Variants in SCAI observed in about 807,000 individuals in gnomAD.
SCAI encodes the protein suppressor of cancer cell invasion.
A neutral mutation model predicts 92.2 loss-of-function variants in SCAI; 24 were observed. The ratio of observed to expected loss-of-function variants is 0.26; its 90% CI spans 0.19 to 0.37. SCAI has a LOEUF of 0.37. Ranked by LOEUF, SCAI falls within the 10% of genes least tolerant of loss-of-function variation. The probability of loss-of-function intolerance (pLI) is 1.00; values close to 1 mark genes in which losing one functional copy is unlikely to be tolerated. For missense variants in SCAI, 450 were observed against 736.2 expected, an observed-to-expected ratio of 0.61 and a Z score of 4.50; for synonymous variants, 261 against 258.6, an observed-to-expected ratio of 1.01 and a Z score of -0.09.
chr9:125,026,095 G>C (rs1309876743), intron 6 of SCAI, among the ~76,000 whole-genome samples: 1 of 152,192 alleles, frequency 6.6e-6, no homozygotes, highest in South Asian at 2.1e-4. Flanking sequence ...TCCAGGCTGG[G>C]TGTGGTGGCT....
intron 15 of SCAI, chr9:124,975,198 T>C: frequency 2.8e-6 from 1 of 361,054 alleles, no homozygotes; most frequent in Non-Finnish European, 5.5e-6. Flanking sequence ...TTTGGATACA[T>C]GAAGTTAATA....
intron 14 of SCAI, among the ~76,000 whole-genome samples, chr9:124,992,399 G>C (rs75035849): frequency 9.0e-6 from 1 of 110,794 alleles, no homozygotes; most frequent in Non-Finnish European, 1.9e-5. Context: ...TTTTTTTTTT[G>C]TTGAGACAGA....
intron 14 of SCAI, among the ~76,000 whole-genome samples, chr9:124,977,265 T>C (rs1831779696): frequency 6.6e-6 from 1 of 152,120 alleles, no homozygotes; most frequent in Admixed American, 6.5e-5. Context: ...AACCACAGAC[T>C]TTTTTTCCTA....
chr9:125,138,680 C>T (rs1835599530), intron 2 of SCAI, among the ~76,000 whole-genome samples: 1 of 152,108 alleles, frequency 6.6e-6, no homozygotes, highest in African/African-American at 2.4e-5. Flanking sequence ...TCCCAAAGTG[C>T]TGGGATTACA....
chr9:125,033,576 C>T (rs1164987074), intron 3 of SCAI, among the ~76,000 whole-genome samples: 2 of 152,006 alleles, frequency 1.3e-5, no homozygotes, highest in Admixed American at 6.6e-5. Flanking sequence ...GTTTATTTCC[C>T]GCATTTAAAA....
chr9:125,078,938 T>C (rs1188664296), intron 2 of SCAI, among the ~76,000 whole-genome samples: 2 of 152,140 alleles, frequency 1.3e-5, no homozygotes, highest in Non-Finnish European at 2.9e-5. Context: ...CAAAAAACTT[T>C]CAATTCTTCT....
intron 3 of SCAI, 38 bp from the exon 4 acceptor site, chr9:125,029,777 C>T: frequency 8.2e-7 from 1 of 1,221,158 alleles, no homozygotes; most frequent in Non-Finnish European, 1.2e-6. Context: ...TATTAAACTT[C>T]TTATTCTATT....
chr9:125,029,244 C>T (rs1469775954), intron 4 of SCAI, among the ~76,000 whole-genome samples: 1 of 152,126 alleles, frequency 6.6e-6, no homozygotes. Flanking sequence ...GCCACAGCCT[C>T]CTAAGTAGCT....
At chr9:124,959,856 G>A (rs1373402376) in intron 17 of SCAI, among the ~76,000 whole-genome samples, 1 of 152,090 alleles carries the variant, frequency 6.6e-6, no homozygotes, top group Non-Finnish European at 1.5e-5. Context: ...CCCCACAAAG[G>A]ACATGAACTC....
intron 2 of SCAI, among the ~76,000 whole-genome samples, chr9:125,138,709 C>T (rs1588258562): frequency 1.3e-5 from 2 of 152,004 alleles, no homozygotes; most frequent in Non-Finnish European, 2.9e-5. Flanking sequence ...CCATCGTGCC[C>T]GGCCCAATTT....
intron 4 of SCAI, 62 bp downstream of exon 4, chr9:125,029,582 A>AT: frequency 1.0e-6 from 1 of 954,276 alleles, no homozygotes; most frequent in Non-Finnish European, 1.6e-6. Context: ...AGTAGTGAAG[A>AT]TAAAAACTGT....
At chr9:125,030,218 G>A (rs1833046205) in intron 3 of SCAI, among the ~76,000 whole-genome samples, 1 of 152,170 alleles carries the variant, frequency 6.6e-6, no homozygotes, top group African/African-American at 2.4e-5. Context: ...GTGACTTATA[G>A]TACAGTCTTT....
At chr9:124,993,884 G>T (rs1015296917) in intron 14 of SCAI, among the ~76,000 whole-genome samples, 1 of 152,134 alleles carries the variant, frequency 6.6e-6, no homozygotes, top group Non-Finnish European at 1.5e-5. Context: ...TGAAGTGGCA[G>T]ATCTGTGCAC....
intron 2 of SCAI, among the ~76,000 whole-genome samples, chr9:125,080,026 T>A (rs1377264476): frequency 6.6e-6 from 1 of 152,128 alleles, no homozygotes; most frequent in Non-Finnish European, 1.5e-5. Flanking sequence ...TCTGGGATTG[T>A]TTAACTAGAG....
intron 2 of SCAI, among the ~76,000 whole-genome samples, chr9:125,086,851 G>T (rs1834333514): frequency 6.6e-6 from 1 of 152,206 alleles, no homozygotes; most frequent in South Asian, 2.1e-4. Context: ...TTTCCCATAT[G>T]TAAGATGGGT....
At chr9:125,061,977 G>A (rs1044921843) in intron 2 of SCAI, among the ~76,000 whole-genome samples, 2 of 151,990 alleles carry the variant, frequency 1.3e-5, no homozygotes, top group Non-Finnish European at 2.9e-5. Context: ...ATATGTATGT[G>A]TTTTACAGAA....
In SCAI at chr9:124,950,238, A is replaced by G. The variant is rs1209207647; in HGVS notation, c.*2569T>C. The G allele has an allele frequency of 2.0e-5, 3 of 152,142 alleles. No individual in the cohort carries two copies. The allele number at this position is 152,142 out of a possible 1,614,324, so 9.4% of individuals were successfully genotyped here. The stretch of plus-strand genomic sequence containing the variant: ...CTTGGTGGTTGGAGTGGGGAAATCA[A>G]TATTTTTGGAACCAAGAGTCCAAAT... On this transcript the variant is annotated 3_prime_UTR_variant, in exon 18 of 18. Coordinates refer to ENST00000336505, the MANE Select transcript of SCAI (RefSeq NM_001144877.3).
intron 2 of SCAI, among the ~76,000 whole-genome samples, chr9:125,083,150 A>C (rs570614405): frequency 1.3e-5 from 2 of 152,250 alleles, no homozygotes; most frequent in African/African-American, 4.8e-5. Context: ...AATAAGTCTC[A>C]AGAGATCTGA....
intron 2 of SCAI, among the ~76,000 whole-genome samples, chr9:125,068,655 T>C (rs1429622393): frequency 2.0e-5 from 3 of 152,048 alleles, no homozygotes; most frequent in Non-Finnish European, 2.9e-5. Context: ...AAACCCCATC[T>C]CAATTATTCT....
Sources: allele counts gnomAD v4.1 joint callset (sites outside exome capture counted in the v4.1 genomes callset), GRCh38; gene constraint gnomAD v4.1.1; transcripts MANE v1.5; gene names NCBI Gene and HGNC (gene_info 2026-07-23, HGNC 2026-07-21).